Variants in PCDH15 observed in about 807,000 individuals in gnomAD.
PCDH15 encodes the protein protocadherin-15.
A neutral mutation model predicts 178.5 loss-of-function variants in PCDH15; 129 were observed. That is an observed-to-expected ratio of 0.72 (90% CI 0.63 to 0.84). The LOEUF (loss-of-function observed/expected upper bound fraction) is 0.84. Ranked by LOEUF, PCDH15 falls within the 40% of genes least tolerant of loss-of-function variation. The probability of loss-of-function intolerance (pLI) is 0.00; values close to 1 mark genes in which losing one functional copy is unlikely to be tolerated. For synonymous variants in PCDH15, 800 were observed against 732.0 expected (o/e 1.09, Z -1.50); for missense variants, 2,230 against 2,099.9 (o/e 1.06, Z -1.21).
chr10:54,666,099 A>T (rs2094567028), intron 1 of PCDH15, among the ~76,000 whole-genome samples: 1 of 152,066 alleles, frequency 6.6e-6, no homozygotes, highest in African/African-American at 2.4e-5. Flanking sequence ...TAAATACGTA[A>T]GGGAATATAA....
intron 3 of PCDH15, among the ~76,000 whole-genome samples, chr10:54,404,793 G>A (rs7918333): frequency 0.026 from 3,993 of 151,900 alleles, 169 homozygotes; most frequent in African/African-American, 0.089. Flanking sequence ...AGGAATTTAA[G>A]CAAATTTTTA....
At chr10:54,559,850 T>TAAAAAAAAAAAAAAAAAAAAAAA (rs80250003) in intron 2 of PCDH15, among the ~76,000 whole-genome samples, 1 of 73,102 alleles carries the variant, frequency 1.4e-5, no homozygotes. Context: ...TGTCTTATAG[T>TAAAAAAAAAAAAAAAAAAAAAAA]AAAAAAAAAA....
At chr10:54,612,628 T>C (rs890434770) in intron 2 of PCDH15, among the ~76,000 whole-genome samples, 2 of 151,854 alleles carry the variant, frequency 1.3e-5, no homozygotes, top group South Asian at 4.1e-4. Flanking sequence ...TGGCTCTTTT[T>C]ATATTCTAAA....
At chr10:53,903,770 T>C (rs1340932721) in intron 25 of PCDH15, among the ~76,000 whole-genome samples, 1 of 152,192 alleles carries the variant, frequency 6.6e-6, no homozygotes, top group Non-Finnish European at 1.5e-5. Flanking sequence ...AACTATTATA[T>C]GAATATATAT....
At chr10:54,348,058 A>C (rs926290372) in intron 5 of PCDH15, among the ~76,000 whole-genome samples, 4 of 151,680 alleles carry the variant, frequency 2.6e-5, no homozygotes, top group Non-Finnish European at 5.9e-5. Flanking sequence ...CCGCGTTAGC[A>C]AGGATGGTCT....
At chr10:53,986,156 T>C (rs2091083510) in intron 21 of PCDH15, among the ~76,000 whole-genome samples, 1 of 151,764 alleles carries the variant, frequency 6.6e-6, no homozygotes, top group African/African-American at 2.4e-5. Flanking sequence ...AGGATTTGAA[T>C]AACTTTTTCA....
rs1289055831 is a variant in PCDH15 at position 54,201,741 on chromosome 10, G to GT, written c.1099-5853dup. ...TCCCATTCGATAGATATTTATGGATGTTTTTCCAGTGTGTGTGTGTGAACG... is the reference window on the plus strand; with the variant it reads ...TCCCATTCGATAGATATTTATGGATGTTTTTTCCAGTGTGTGTGTGTGAACG... On this transcript the variant is annotated intron_variant, in intron 10 of 37. Transcript: ENST00000644397. Among the ~76,000 whole-genome samples, 6 of 42,626 alleles carry GT rather than the reference G, an allele frequency of 1.4e-4. No individual in the cohort carries two copies. The East Asian group carries it at 7.3e-3, about 52-fold the overall frequency. The allele number at this position is 42,626 out of a possible 152,430, so 28.0% of individuals were successfully genotyped here.
At chr10:54,087,512 T>A (rs1376213298) in intron 16 of PCDH15, among the ~76,000 whole-genome samples, 2 of 152,200 alleles carry the variant, frequency 1.3e-5, no homozygotes, top group African/African-American at 4.8e-5. Context: ...TAATATTATA[T>A]TATTACAGAC....
At chr10:55,047,825 T>A (rs1446182518) in intron 2 of PCDH15, among the ~76,000 whole-genome samples, 1 of 151,854 alleles carries the variant, frequency 6.6e-6, no homozygotes, top group Non-Finnish European at 1.5e-5. Flanking sequence ...TGAGGCTTCA[T>A]CATAATTTCA....
chr10:54,836,285 C>A (rs1298116576), intron 3 of PCDH15, among the ~76,000 whole-genome samples: 10 of 152,030 alleles, frequency 6.6e-5, no homozygotes, highest in Admixed American at 6.6e-4. Context: ...AAATGGAGAG[C>A]ATTCCTGACT....
intron 1 of PCDH15, among the ~76,000 whole-genome samples, chr10:54,696,162 T>C (rs1329028728): frequency 2.6e-5 from 4 of 152,160 alleles, no homozygotes; most frequent in Admixed American, 6.6e-5. Flanking sequence ...TTATAAATTA[T>C]AGGAGGAGAT....
At chr10:55,364,450 C>T (rs1845304149) in intron 2 of PCDH15, among the ~76,000 whole-genome samples, 1 of 151,998 alleles carries the variant, frequency 6.6e-6, no homozygotes, top group African/African-American at 2.4e-5. Context: ...GTCATTGAGT[C>T]ATTGTTCTTT....
At chr10:54,687,464 A>T (rs963235748) in intron 1 of PCDH15, among the ~76,000 whole-genome samples, 4 of 152,166 alleles carry the variant, frequency 2.6e-5, no homozygotes, top group Non-Finnish European at 5.9e-5. Flanking sequence ...TATATAATAT[A>T]TACTGACTAA....
intron 3 of PCDH15, among the ~76,000 whole-genome samples, chr10:54,511,487 G>A (rs549796814): frequency 1.3e-5 from 2 of 152,124 alleles, no homozygotes; most frequent in South Asian, 4.2e-4. Context: ...ACAGATCCCA[G>A]TTTTATAGAG....
intron 2 of PCDH15, among the ~76,000 whole-genome samples, chr10:55,076,205 G>A (rs537045725): frequency 6.6e-6 from 1 of 152,210 alleles, no homozygotes; most frequent in South Asian, 2.1e-4. Flanking sequence ...TGTATATTTT[G>A]CAGTTGTTGG....
Position 54,147,664 on chromosome 10 carries a change from T to G in PCDH15, c.1784+5436A>C, listed in dbSNP as rs912955743. Among the ~76,000 whole-genome samples the G allele has an allele frequency of 3.9e-5, 6 of 152,022 alleles. No individual in the cohort carries two copies. The East Asian group carries it at 1.2e-3, about 29-fold the overall frequency. On this transcript the variant is annotated intron_variant, in intron 14 of 37. Transcript: ENST00000644397. ...TGTATATATAATACCAACTTGTGGT[T>G]GGTTTTATTTTAATATTCAAGACTA...
intron 2 of PCDH15, among the ~76,000 whole-genome samples, chr10:55,573,627 TA>T (rs1842446134): frequency 6.6e-6 from 1 of 152,124 alleles, no homozygotes; most frequent in African/African-American, 2.4e-5. Flanking sequence ...TTTGACATTT[TA>T]ACTGTTTATC....
At chr10:53,822,123 G>T in intron 32 of PCDH15, 1 of 1,597,172 alleles carries the variant, frequency 6.3e-7, no homozygotes, top group South Asian at 1.1e-5. Flanking sequence ...ACACACTGTC[G>T]TTGTTGATAG....
rs1432961093 is a variant in PCDH15, at chr10:54,867,938, A to T, written c.-29+29512T>A. Among the ~76,000 whole-genome samples, 6 of 152,270 alleles carry T rather than the reference A, an allele frequency of 3.9e-5. No individual in the cohort carries two copies. The South Asian group carries it at 6.2e-4, about 16-fold the overall frequency. Reference sequence around the variant, plus strand: ...TAATAATAATTCTTGTATACCTGAAAATTGCTAAGAAAAATAGACCTTTAA... The same window carrying T: ...TAATAATAATTCTTGTATACCTGAATATTGCTAAGAAAAATAGACCTTTAA... On this transcript the variant is annotated intron_variant, in intron 3 of 5. Coordinates refer to the PCDH15 transcript ENST00000458638.
Sources: allele counts gnomAD v4.1 joint callset (sites outside exome capture counted in the v4.1 genomes callset), GRCh38; gene constraint gnomAD v4.1.1; transcripts MANE v1.5; gene names NCBI Gene and HGNC (gene_info 2026-07-23, HGNC 2026-07-21).